CFDP1: variants seen among roughly 807,000 people sequenced by gnomAD.
The protein encoded by CFDP1 is heterochromatin-stabilizing protein CFDP1.
CFDP1 carries 31 observed loss-of-function variants against 40.1 expected under a neutral mutation model. That is an observed-to-expected ratio of 0.77 (90% CI 0.58 to 1.04). CFDP1 has a LOEUF of 1.04. CFDP1 is among the 50% of genes least tolerant of loss of function. CFDP1 has a pLI of 0.00. For synonymous variants in CFDP1, 167 were observed against 120.0 expected (o/e 1.39, Z -2.56); for missense variants, 423 against 343.4 (o/e 1.23, Z -1.83).
chr16:75,394,383 T>A (rs534351630), intron 5 of CFDP1, among the ~76,000 whole-genome samples: 4 of 152,166 alleles, frequency 2.6e-5, no homozygotes, highest in Non-Finnish European at 5.9e-5. Flanking sequence ...ATGAAAAATA[T>A]GAAGGGAGGA....
chr16:75,307,004 C>G (rs991015825), intron 5 of CFDP1, among the ~76,000 whole-genome samples: 6 of 152,064 alleles, frequency 3.9e-5, no homozygotes, highest in African/African-American at 7.2e-5. Flanking sequence ...TCTCATCTTC[C>G]TTACTGCTAC....
chr16:75,329,351 GC>G (rs1201457351), intron 5 of CFDP1, among the ~76,000 whole-genome samples: 4 of 152,208 alleles, frequency 2.6e-5, no homozygotes, highest in Non-Finnish European at 4.4e-5. Context: ...TAAAGTGATT[GC>G]CCCTGGCAAG....
chr16:75,360,657 T>C (rs960625656), intron 5 of CFDP1, among the ~76,000 whole-genome samples: 2 of 152,218 alleles, frequency 1.3e-5, no homozygotes, highest in African/African-American at 4.8e-5. Flanking sequence ...AAAATCAAGA[T>C]AACTGGAAAT....
At chr16:75,428,615 T>G (rs1283926738) in intron 1 of CFDP1, among the ~76,000 whole-genome samples, 1 of 142,346 alleles carries the variant, frequency 7.0e-6, no homozygotes, top group Non-Finnish European at 1.5e-5. Context: ...ATACTCCATC[T>G]CAAAAATAAA....
chr16:75,415,548 A>G (rs1462098139), intron 1 of CFDP1, among the ~76,000 whole-genome samples: 1 of 152,166 alleles, frequency 6.6e-6, no homozygotes, highest in Non-Finnish European at 1.5e-5. Flanking sequence ...CCCTAAAGGG[A>G]ACCAATATCC....
chr16:75,411,645 A>G (rs996748312), intron 4 of CFDP1, among the ~76,000 whole-genome samples, 180 bp downstream of exon 4: 2 of 152,218 alleles, frequency 1.3e-5, no homozygotes, highest in Non-Finnish European at 2.9e-5. Flanking sequence ...ACACTGCTAT[A>G]TGTGAAAGGA....
intron 5 of CFDP1, among the ~76,000 whole-genome samples, chr16:75,364,579 T>C (rs938904015): frequency 6.6e-6 from 1 of 152,230 alleles, no homozygotes; most frequent in Admixed American, 6.5e-5. Flanking sequence ...ATGGAATGTG[T>C]GAAGAAGATG....
At position 75,346,582 on chromosome 16, in the gene CFDP1, C is replaced by CAAAAAAAAAAAA. The variant is rs748081401; in HGVS notation, c.651-41412_651-41401dup. Among the ~76,000 whole-genome samples, 28 of 59,346 alleles carry CAAAAAAAAAAAA rather than the reference C, an allele frequency of 4.7e-4. 3 individuals are homozygous for CAAAAAAAAAAAA. The highest frequency in any genetic ancestry group is 1.2e-3 in the East Asian group (2 of 1,666). 38.9% of individuals were successfully genotyped at this position (59,346 alleles called of 152,430 possible). A position where few individuals can be genotyped will look rare whatever the true frequency, so the allele number is the denominator to read the frequency against. On this transcript the variant is annotated intron_variant, in intron 5 of 6. Transcript: ENST00000283882. ...TGGGTGACAGAGCAAGACTCTGTCT[C>CAAAAAAAAAAAA]AAAAAAAAAAAAAAAAAAAAAAAAA...
intron 1 of CFDP1, among the ~76,000 whole-genome samples, chr16:75,420,185 T>C (rs1176926642): frequency 6.8e-6 from 1 of 147,418 alleles, no homozygotes; most frequent in African/African-American, 2.5e-5. Flanking sequence ...CCACAGGGAA[T>C]ACTTTTCCAG....
intron 5 of CFDP1, among the ~76,000 whole-genome samples, chr16:75,333,248 C>T (rs1369316057): frequency 2.0e-5 from 3 of 151,774 alleles, no homozygotes; most frequent in Non-Finnish European, 4.4e-5. Context: ...CTCAGCCTCT[C>T]GAGTAGCTGG....
At chr16:75,337,668 G>A (rs576760736) in intron 5 of CFDP1, among the ~76,000 whole-genome samples, 3 of 152,272 alleles carry the variant, frequency 2.0e-5, no homozygotes, top group South Asian at 2.1e-4. Flanking sequence ...CATGGGTGGC[G>A]CAGGAGGAAG....
rs564296837 is a variant in CFDP1, at chr16:75,391,978, A to AAAAT, written c.650+3108_650+3111dup. Among the ~76,000 whole-genome samples the AAAAT allele has an allele frequency of 7.1e-3, 1,084 of 151,998 alleles. 11 individuals are homozygous for AAAAT. Among genetic ancestry groups the AAAAT allele is most frequent in the African/African-American group, 0.024 (1,008 of 41,444 alleles). ...GCAAGACTCCGTCTCAAAAAAATAA[A>AAAAT]AAATAAATAAATAAATAAATAAAGC... On this transcript the variant is annotated intron_variant, in intron 5 of 6. Transcript: ENST00000283882.
intron 5 of CFDP1, among the ~76,000 whole-genome samples, chr16:75,334,353 G>A (rs76623171): frequency 0.012 from 1,850 of 151,548 alleles, 33 homozygotes; most frequent in African/African-American, 0.043. Flanking sequence ...ATGGTAATGA[G>A]GATAAAACTG....
chr16:75,332,607 C>T (rs1028087588), intron 5 of CFDP1, among the ~76,000 whole-genome samples: 1 of 151,794 alleles, frequency 6.6e-6, no homozygotes, highest in African/African-American at 2.4e-5. Flanking sequence ...GTTGAGGCTG[C>T]AGTGAACCAT....
intron 4 of CFDP1, chr16:75,406,593 C>T (rs1433473086): frequency 6.6e-6 from 1 of 151,194 alleles, no homozygotes; most frequent in African/African-American, 2.4e-5. Flanking sequence ...CCCAGCTACT[C>T]GGGAGGCTGA....
At chr16:75,379,354 G>GAA (rs138680084) in intron 5 of CFDP1, among the ~76,000 whole-genome samples, 1 of 151,316 alleles carries the variant, frequency 6.6e-6, no homozygotes, top group Admixed American at 6.6e-5. Context: ...AAGAGAGAGA[G>GAA]AGAGAAGGCA....
chr16:75,348,816 CAA>C (rs1162122311), intron 5 of CFDP1, among the ~76,000 whole-genome samples: 1 of 152,130 alleles, frequency 6.6e-6, no homozygotes, highest in Admixed American at 6.6e-5. Flanking sequence ...CATCTATTGT[CAA>C]AGTTATTCCT....
intron 1 of CFDP1, among the ~76,000 whole-genome samples, chr16:75,416,464 TAAA>T (rs147793433): frequency 3.5e-5 from 5 of 141,464 alleles, no homozygotes; most frequent in Admixed American, 7.0e-5. Context: ...AAAAGAGATT[TAAA>T]AAAAAAAAAA....
intron 5 of CFDP1, among the ~76,000 whole-genome samples, chr16:75,367,646 A>C (rs1425958304): frequency 6.6e-6 from 1 of 151,834 alleles, no homozygotes; most frequent in Non-Finnish European, 1.5e-5. Flanking sequence ...TACAAAAATT[A>C]GCCGGTCGTG....
Sources: gnomAD v4.1 joint callset for allele counts (sites outside exome capture counted in the v4.1 genomes callset) on GRCh38, gnomAD v4.1.1 for gene constraint, MANE v1.5 for transcripts, NCBI Gene and HGNC (gene_info 2026-07-23, HGNC 2026-07-21) for gene names.